Variants in PCDHGA8 observed in about 807,000 individuals in gnomAD.
The protein encoded by PCDHGA8 is protocadherin gamma subfamily A, 8, also known as protocadherin gamma-A8.
A neutral mutation model predicts 59.2 loss-of-function variants in PCDHGA8; 45 were observed. That is an observed-to-expected ratio of 0.76 (90% CI 0.60 to 0.98). The LOEUF is 0.98. Among genes scored for constraint, PCDHGA8 ranks in the 50% least tolerant of loss-of-function variants. The pLI is 0.00. For synonymous variants in PCDHGA8, 531 were observed against 519.0 expected, an observed-to-expected ratio of 1.02 and a Z score of -0.32; for missense variants, 1,257 against 1,196.2, an observed-to-expected ratio of 1.05 and a Z score of -0.75.
intron 1 of PCDHGA8, chr5:141,424,652 G>T (rs1392693867): frequency 6.6e-6 from 1 of 152,120 alleles, no homozygotes; most frequent in East Asian, 1.9e-4. Context: ...AAGGTATTTG[G>T]ACTTTAATTA....
rs1474849292 is a variant in PCDHGA8 at position 141,454,205 on chromosome 5, G to T, written c.2425-40602G>T. Among the ~76,000 whole-genome samples, 3 of 152,154 alleles carry T rather than the reference G, an allele frequency of 2.0e-5. No individual in the cohort carries two copies. The East Asian group carries it at 5.8e-4, about 29-fold the overall frequency. ...GGAGCTTAGTGAAGGTGAATTTATT[G>T]ACATGAATGAGAAAAGTAATTGTGA... On this transcript the variant is annotated intron_variant, in intron 1 of 3. Coordinates refer to ENST00000398604, the MANE Select transcript of PCDHGA8 (RefSeq NM_032088.2).
chr5:141,492,787 G>A (rs1308203463), intron 1 of PCDHGA8, among the ~76,000 whole-genome samples: 2 of 152,254 alleles, frequency 1.3e-5, no homozygotes, highest in Admixed American at 6.5e-5. Context: ...AGCCTCTATA[G>A]GACAGCAGGA....
At chr5:141,404,231 A>G (rs1403622769) in intron 1 of PCDHGA8, 1 of 1,613,928 alleles carries the variant, frequency 6.2e-7, no homozygotes, top group Non-Finnish European at 8.5e-7. Context: ...TGCAACAGAC[A>G]GAGGAACTCC....
chr5:141,490,128 C>T lies in PCDHGA8; in HGVS notation c.2425-4679C>T, dbSNP rs970815408. 1.2e-6 allele frequency: 2 copies of T among 1,614,254 alleles called. No homozygotes were observed. Among genetic ancestry groups the T allele is most frequent in the Non-Finnish European group, 8.5e-7 (1 of 1,180,042 alleles). ...CAGTGCGGAACCTCTTTGGCCTAGA[C>T]CCTAGCAGTGGGGCAATCCATGTGT... On this transcript the variant is annotated intron_variant, in intron 1 of 3. Transcript: ENST00000398604. The surrounding 1 kb of genome is among the most constrained non-coding windows in gnomAD (Gnocchi z 5.4).
At chr5:141,501,550 A>G (rs1251701030) in intron 2 of PCDHGA8, among the ~76,000 whole-genome samples, 3 of 152,078 alleles carry the variant, frequency 2.0e-5, no homozygotes, top group Non-Finnish European at 4.4e-5. Flanking sequence ...ATAAGATCAT[A>G]GGCCCTGGAA....
Position 141,490,693 on chromosome 5 carries a change from G to A in PCDHGA8, c.2425-4114G>A. On this transcript the variant is annotated intron_variant, in intron 1 of 3. Coordinates refer to ENST00000398604, the MANE Select transcript of PCDHGA8 (RefSeq NM_032088.2). This position sits in a 1 kb window ranked among gnomAD's most constrained non-coding sequence, Gnocchi z 5.4. ...GGCTGCCTCAGATCCAGACACTGGGGATAATGCCCGCCTCACCTACTCCAT... is the reference window on the plus strand; with the variant it reads ...GGCTGCCTCAGATCCAGACACTGGGAATAATGCCCGCCTCACCTACTCCAT... 1.9e-6 allele frequency: 3 copies of A among 1,614,170 alleles called. No homozygotes were observed. Among genetic ancestry groups the A allele is most frequent in the Non-Finnish European group, 2.5e-6 (3 of 1,180,018 alleles).
rs758099753 is a variant in PCDHGA8, at chr5:141,432,129, A to G, written c.2424+36892A>G. The G allele has an allele frequency of 5.6e-6, 9 of 1,614,054 alleles. No homozygotes were observed. The highest frequency in any genetic ancestry group is 5.5e-5 in the South Asian group (5 of 91,056). On this transcript the variant is annotated intron_variant, in intron 1 of 3. Transcript: ENST00000398604. The surrounding 1 kb of genome is among the most constrained non-coding windows in gnomAD (Gnocchi z 6.0). Reference sequence around the variant, plus strand: ...CCGCCGGTCTTCCCTCAGGCCTCCTATTCCGCTTATATCCCAGAGAACAAT... The same window carrying G: ...CCGCCGGTCTTCCCTCAGGCCTCCTGTTCCGCTTATATCCCAGAGAACAAT...
At chr5:141,446,447 A>G (rs2098502204) in intron 1 of PCDHGA8, among the ~76,000 whole-genome samples, 1 of 151,946 alleles carries the variant, frequency 6.6e-6, no homozygotes, top group Non-Finnish European at 1.5e-5. Context: ...AACAGTGCAG[A>G]TATTCAGTGT....
chr5:141,472,980 C>CAAAAAAAAAAAAAAAAAGAAAAAAAA (rs2099309731), intron 1 of PCDHGA8, among the ~76,000 whole-genome samples: 1 of 86,100 alleles, frequency 1.2e-5, no homozygotes, highest in African/African-American at 3.9e-5. Flanking sequence ...GAGTGAAACT[C>CAAAAAAAAAAAAAAAAAGAAAAAAAA]AAAAAAAAAA....
chr5:141,398,383 G>C, intron 1 of PCDHGA8: 4 of 1,451,918 alleles, frequency 2.8e-6, no homozygotes, highest in Non-Finnish European at 2.9e-6. Context: ...GGAGTTGCTT[G>C]TGAGCAGCAG....
chr5:141,465,030 C>T (rs922114985), intron 1 of PCDHGA8, among the ~76,000 whole-genome samples: 2 of 152,086 alleles, frequency 1.3e-5, no homozygotes, highest in Non-Finnish European at 1.5e-5. Context: ...CCATGAACCA[C>T]CACAAATGAC....
intron 1 of PCDHGA8, chr5:141,478,684 T>C: frequency 6.4e-7 from 1 of 1,551,340 alleles, no homozygotes; most frequent in Non-Finnish European, 8.7e-7. Flanking sequence ...TGGCCCTTCC[T>C]AGATCAAAGT....
rs371490086 is a variant in PCDHGA8 at position 141,405,329 on chromosome 5, G to A, written c.2424+10092G>A. 241 of 1,614,168 alleles carry A rather than the reference G, an allele frequency of 1.5e-4. No individual in the cohort carries two copies. Among genetic ancestry groups the A allele is most frequent in the African/African-American group, 1.1e-3 (80 of 75,034 alleles). The stretch of plus-strand genomic sequence containing the variant: ...CTGTGAGAAAAATGAGCCTTTGTGC[G>A]TCTCTGTTGATTCCAAGTTTCCTAT... On this transcript the variant is annotated intron_variant, in intron 1 of 3. Coordinates refer to ENST00000398604, the MANE Select transcript of PCDHGA8 (RefSeq NM_032088.2).
At chr5:141,428,185 G>T (rs775261215) in intron 1 of PCDHGA8, 286 of 1,446,232 alleles carry the variant, frequency 2.0e-4, no homozygotes, top group Non-Finnish European at 2.5e-4. Context: ...GAGGACAGCC[G>T]CCGCTCTCTG....
chr5:141,485,177 C>T lies in PCDHGA8; in HGVS notation c.2425-9630C>T. ...AGAGAATTAGCGGGCGGCAGCAATG[C>T]TCCGCAAGGTGAGAAGCTGGACAGA... On this transcript the variant is annotated intron_variant, in intron 1 of 3. Coordinates refer to ENST00000398604, the MANE Select transcript of PCDHGA8 (RefSeq NM_032088.2). This position sits in a 1 kb window ranked among gnomAD's most constrained non-coding sequence, Gnocchi z 5.7. 1 of 1,612,024 alleles carries T rather than the reference C, an allele frequency of 6.2e-7. No homozygotes were observed. Among genetic ancestry groups the T allele is most frequent in the South Asian group, 1.1e-5 (1 of 90,956 alleles).
intron 1 of PCDHGA8, chr5:141,399,149 C>A: frequency 6.2e-7 from 1 of 1,613,772 alleles, no homozygotes; most frequent in Non-Finnish European, 8.5e-7. Flanking sequence ...GACAATAGCC[C>A]AGAAGTTACA....
intron 1 of PCDHGA8, chr5:141,415,156 A>T: frequency 6.2e-7 from 1 of 1,613,798 alleles, no homozygotes. Flanking sequence ...TCTCTCCGCC[A>T]CTGTCACGCT....
intron 1 of PCDHGA8, chr5:141,412,735 T>A (rs2095573578): frequency 6.5e-6 from 1 of 153,492 alleles, no homozygotes; most frequent in African/African-American, 2.4e-5. Context: ...GTGTTGCAAA[T>A]ATATATTTAA....
chr5:141,491,118 T>C lies in PCDHGA8; in HGVS notation c.2425-3689T>C, dbSNP rs1421005816. Reference sequence around the variant, plus strand: ...TGTTCCTCGTGTCTACACACACTGGTGAGGTGCGCACAGCCCGGGCCTTAC... The same window carrying C: ...TGTTCCTCGTGTCTACACACACTGGCGAGGTGCGCACAGCCCGGGCCTTAC... On this transcript the variant is annotated intron_variant, in intron 1 of 3. Coordinates refer to ENST00000398604, the MANE Select transcript of PCDHGA8 (RefSeq NM_032088.2). This position sits in a 1 kb window ranked among gnomAD's most constrained non-coding sequence, Gnocchi z 6.9. The C allele has an allele frequency of 1.2e-6, 2 of 1,613,926 alleles. No homozygotes were observed. Among genetic ancestry groups the C allele is most frequent in the African/African-American group, 2.7e-5 (2 of 74,890 alleles).
Sources: gnomAD v4.1 joint callset for allele counts (sites outside exome capture counted in the v4.1 genomes callset) on GRCh38, gnomAD v4.1.1 for gene constraint, Gnocchi (gnomAD v3.1) non-coding constraint, MANE v1.5 for transcripts, NCBI Gene and HGNC (gene_info 2026-07-23, HGNC 2026-07-21) for gene names.